CSTPP1: variants seen among roughly 807,000 people sequenced by gnomAD.
The protein encoded by CSTPP1 is UPF0705 protein C11orf49.
the CSTPP1 span, among the ~76,000 whole-genome samples, chr11:47,104,068 A>C: frequency 6.6e-6 from 1 of 152,212 alleles, no homozygotes; most frequent in South Asian, 2.1e-4. Context: ...AGGAAAGAGA[A>C]TCAGAGATTA....
the CSTPP1 span, chr11:47,164,023 T>C: frequency 2.0e-6 from 3 of 1,517,660 alleles, no homozygotes; most frequent in Non-Finnish European, 2.7e-6. Flanking sequence ...ACTGCTGAGG[T>C]TGCTCGCTCG....
the CSTPP1 span, among the ~76,000 whole-genome samples, chr11:46,993,320 C>G: frequency 1.3e-5 from 2 of 150,380 alleles, no homozygotes; most frequent in African/African-American, 4.9e-5. Context: ...TTGCCCATGC[C>G]TGTCCTGAAT....
At chr11:47,083,036 G>A in the CSTPP1 span, among the ~76,000 whole-genome samples, 4 of 138,974 alleles carry the variant, frequency 2.9e-5, no homozygotes, top group African/African-American at 8.2e-5. Flanking sequence ...TCCCTCCCCC[G>A]ACCTCACCCC....
chr11:47,110,009 C>T, the CSTPP1 span, among the ~76,000 whole-genome samples: 2 of 152,166 alleles, frequency 1.3e-5, no homozygotes, highest in Non-Finnish European at 2.9e-5. Context: ...GGTGAGTTCT[C>T]AGCTCAAATG....
At chr11:47,033,758 C>T in the CSTPP1 span, among the ~76,000 whole-genome samples, 1 of 152,164 alleles carries the variant, frequency 6.6e-6, no homozygotes, top group Admixed American at 6.5e-5. Flanking sequence ...GATGTTCTAT[C>T]AGGATTCTCT....
the CSTPP1 span, among the ~76,000 whole-genome samples, chr11:47,148,975 G>A: frequency 9.2e-5 from 14 of 152,224 alleles, no homozygotes; most frequent in African/African-American, 3.4e-4. Flanking sequence ...AAGTTGGCAA[G>A]TCAGTAGGTT....
At chr11:46,961,988 C>T in the CSTPP1 span, among the ~76,000 whole-genome samples, 1 of 152,282 alleles carries the variant, frequency 6.6e-6, no homozygotes, top group Non-Finnish European at 1.5e-5. Flanking sequence ...AGGAAGCAAA[C>T]ACGTCCTTCA....
chr11:46,943,703 G>A, the CSTPP1 span, among the ~76,000 whole-genome samples: 1 of 152,148 alleles, frequency 6.6e-6, no homozygotes, highest in Non-Finnish European at 1.5e-5. Flanking sequence ...ACCTCTCTGT[G>A]CCTTAGTTTC....
chr11:47,089,083 C>T, the CSTPP1 span, among the ~76,000 whole-genome samples: 5 of 152,082 alleles, frequency 3.3e-5, no homozygotes, highest in Non-Finnish European at 5.9e-5. Context: ...TGTGCCACAG[C>T]TAAGACTGAC....
At chr11:47,164,099 G>A in the CSTPP1 span, 2 of 1,609,464 alleles carry the variant, frequency 1.2e-6, no homozygotes, top group Middle Eastern at 1.7e-4. Context: ...ACAGGGTGGT[G>A]AGGTCGAAGC....
chr11:47,100,198 T>C, the CSTPP1 span, among the ~76,000 whole-genome samples: 2 of 152,206 alleles, frequency 1.3e-5, no homozygotes, highest in South Asian at 4.1e-4. Context: ...AGGCAAGATA[T>C]GAAGATTTTT....
chr11:46,970,901 T>C, the CSTPP1 span, among the ~76,000 whole-genome samples: 2 of 152,182 alleles, frequency 1.3e-5, no homozygotes, highest in Non-Finnish European at 2.9e-5. Flanking sequence ...TAATAAATTA[T>C]GGTATTTCTA....
chr11:46,986,940 G>A, the CSTPP1 span, among the ~76,000 whole-genome samples: 3 of 152,242 alleles, frequency 2.0e-5, no homozygotes, highest in Non-Finnish European at 2.9e-5. Context: ...CCTTGTGATT[G>A]AGATGAAGAA....
At chr11:47,037,764 GAA>G in the CSTPP1 span, among the ~76,000 whole-genome samples, 2 of 126,660 alleles carry the variant, frequency 1.6e-5, no homozygotes. Flanking sequence ...AGAACAAAAT[GAA>G]AAGTCTCCCA....
the CSTPP1 span, among the ~76,000 whole-genome samples, chr11:47,062,864 A>G: frequency 6.6e-6 from 1 of 152,210 alleles, no homozygotes; most frequent in African/African-American, 2.4e-5. Flanking sequence ...AGAATGGAAA[A>G]TCCTCCCAGC....
the CSTPP1 span, among the ~76,000 whole-genome samples, chr11:47,097,618 C>A: frequency 8.7e-6 from 1 of 115,072 alleles, no homozygotes; most frequent in African/African-American, 3.3e-5. Flanking sequence ...GCCGCCCCGT[C>A]CGGGAGGGAG....
chr11:47,085,194 C>T, the CSTPP1 span, among the ~76,000 whole-genome samples: 1 of 152,130 alleles, frequency 6.6e-6, no homozygotes, highest in African/African-American at 2.4e-5. Context: ...CAGAGCGAGA[C>T]TCCATCTCAA....
the CSTPP1 span, among the ~76,000 whole-genome samples, chr11:47,021,055 T>A: frequency 6.6e-6 from 1 of 152,234 alleles, no homozygotes; most frequent in African/African-American, 2.4e-5. Context: ...AAAGGATTAC[T>A]TTTTGCCAGC....
At chr11:47,060,485 G>A in the CSTPP1 span, among the ~76,000 whole-genome samples, 2 of 151,644 alleles carry the variant, frequency 1.3e-5, no homozygotes, top group Non-Finnish European at 2.9e-5. Flanking sequence ...CAGTCCACCC[G>A]CCTCAGCCTC....
Sources: allele counts gnomAD v4.1 joint callset (sites outside exome capture counted in the v4.1 genomes callset), GRCh38; gene constraint gnomAD v4.1.1; transcripts MANE v1.5; gene names NCBI Gene and HGNC (gene_info 2026-07-23, HGNC 2026-07-21).